FSTL4: variants seen among roughly 807,000 people sequenced by gnomAD.
The protein encoded by FSTL4 is follistatin-related protein 4.
A neutral mutation model predicts 78.2 loss-of-function variants in FSTL4; 28 were observed. The observed-to-expected ratio is 0.36, with a 90% CI of 0.27 to 0.49. FSTL4 has a LOEUF of 0.49. Among genes scored for constraint, FSTL4 ranks in the 20% least tolerant of loss-of-function variants. The pLI is 0.98. For missense variants in FSTL4, 922 were observed against 1,084.9 expected, an observed-to-expected ratio of 0.85 and a Z score of 2.11; for synonymous variants, 422 against 440.5, an observed-to-expected ratio of 0.96 and a Z score of 0.53.
At position 133,361,927 on chromosome 5, in the gene FSTL4, T is replaced by C. The variant is rs1755080182; in HGVS notation, c.409+38811A>G. 6.6e-6 allele frequency among the ~76,000 whole-genome samples: 1 copy of C among 152,252 alleles called. No individual in the cohort carries two copies. The highest frequency in any genetic ancestry group is 2.1e-4 in the South Asian group (1 of 4,828). On this transcript the variant is annotated intron_variant, in intron 4 of 15. Coordinates refer to ENST00000265342, the MANE Select transcript of FSTL4 (RefSeq NM_015082.2). The surrounding 1 kb of genome is among the most constrained non-coding windows in gnomAD (Gnocchi z 4.3). ...TTGGATATTCACGTAGTTGAAAACA[T>C]ATTTATAATTATTTGAGCCTAGAAC... is the stretch of plus-strand genomic sequence containing the variant.
chr5:133,625,024 T>C, the FSTL4 span, among the ~76,000 whole-genome samples: 2 of 151,800 alleles, frequency 1.3e-5, no homozygotes, highest in Non-Finnish European at 3.0e-5. Context: ...TATTCTCTGC[T>C]AATATTTCCA....
chr5:133,660,242 T>C, the FSTL4 span, among the ~76,000 whole-genome samples: 1 of 152,164 alleles, frequency 6.6e-6, no homozygotes, highest in East Asian at 1.9e-4. Flanking sequence ...GGAGACCCTC[T>C]CCTTTCCCTC....
At chr5:133,309,863 G>A (rs888695609) in intron 6 of FSTL4, among the ~76,000 whole-genome samples, 1 of 152,192 alleles carries the variant, frequency 6.6e-6, no homozygotes, top group Admixed American at 6.5e-5. Context: ...AAAATAAAAT[G>A]CTAATGCCTC....
At chr5:133,519,497 C>T (rs1449407957) in intron 3 of FSTL4, among the ~76,000 whole-genome samples, 7 of 152,202 alleles carry the variant, frequency 4.6e-5, no homozygotes, top group African/African-American at 1.2e-4. Flanking sequence ...CCAACGTGCA[C>T]GCTTCTTTCT....
intron 3 of FSTL4, among the ~76,000 whole-genome samples, chr5:133,547,411 G>A (rs1759603712): frequency 6.6e-6 from 1 of 152,160 alleles, no homozygotes; most frequent in South Asian, 2.1e-4. Context: ...TGGAATAATT[G>A]TATTTTGCAT....
the FSTL4 span, among the ~76,000 whole-genome samples, chr5:133,837,226 T>C: frequency 6.6e-6 from 1 of 152,030 alleles, no homozygotes; most frequent in Non-Finnish European, 1.5e-5. Context: ...AATCCCTCTA[T>C]TGAAGTCTCA....
intron 8 of FSTL4, among the ~76,000 whole-genome samples, chr5:133,230,151 G>A (rs1025589859): frequency 1.3e-5 from 2 of 152,210 alleles, no homozygotes; most frequent in African/African-American, 4.8e-5. Flanking sequence ...CAGCACCAGG[G>A]CTGGACACTG....
At chr5:133,289,380 T>C (rs1019861923) in intron 6 of FSTL4, among the ~76,000 whole-genome samples, 6 of 152,226 alleles carry the variant, frequency 3.9e-5, no homozygotes, top group African/African-American at 1.4e-4. Flanking sequence ...CCTAAGCCCA[T>C]CTTCTTCCAG....
At chr5:133,814,390 G>A in the FSTL4 span, among the ~76,000 whole-genome samples, 11 of 152,284 alleles carry the variant, frequency 7.2e-5, no homozygotes, top group East Asian at 1.9e-3. Flanking sequence ...GGAGTCCCTG[G>A]GTGTGGCTGG....
chr5:133,199,578 A>G lies in FSTL4; in HGVS notation c.2046T>C (p.Leu682=), dbSNP rs1750254996. 1.2e-6 allele frequency: 2 copies of G among 1,614,092 alleles called. No homozygotes were observed. Among genetic ancestry groups the G allele is most frequent in the Non-Finnish European group, 8.5e-7 (1 of 1,179,962 alleles). ...TGCCTGTTACATCACCATTGGGGCC[A>G]AGCACAGAGTCTGTGACACTGTCAA... The part of the protein sequence containing the change: ...LLVDSVTDSV[L]GPNGDVTGTP... Residue 682 remains leucine, a synonymous_variant, in exon 16 of 16, where the codon CTT becomes CTC. Transcript: ENST00000265342. This position sits in a 1 kb window ranked among gnomAD's most constrained non-coding sequence, Gnocchi z 4.4.
intron 13 of FSTL4, among the ~76,000 whole-genome samples, chr5:133,210,561 C>T (rs559282729): frequency 4.6e-5 from 7 of 152,004 alleles, no homozygotes; most frequent in Non-Finnish European, 8.8e-5. Context: ...GATGTGATCT[C>T]GGCTCACTGC....
chr5:133,750,202 G>A, the FSTL4 span, among the ~76,000 whole-genome samples: 1 of 152,162 alleles, frequency 6.6e-6, no homozygotes, highest in Non-Finnish European at 1.5e-5. Context: ...GACCCAGAGG[G>A]ACCCTAAGAC....
chr5:133,267,759 TG>T (rs1353954580), intron 6 of FSTL4, among the ~76,000 whole-genome samples: 6 of 151,378 alleles, frequency 4.0e-5, no homozygotes, highest in African/African-American at 1.5e-4. Flanking sequence ...AGGTTCCAAG[TG>T]GGGGAGGTGT....
chr5:133,629,431 C>A, the FSTL4 span, among the ~76,000 whole-genome samples: 3 of 152,282 alleles, frequency 2.0e-5, no homozygotes, highest in South Asian at 6.2e-4. Flanking sequence ...ATACACCCTT[C>A]CAAGACTAAA....
chr5:133,682,767 C>A, the FSTL4 span, among the ~76,000 whole-genome samples: 1 of 152,172 alleles, frequency 6.6e-6, no homozygotes. Context: ...ATGCGGGGTA[C>A]AAACTCCTAC....
chr5:133,800,079 G>A, the FSTL4 span, among the ~76,000 whole-genome samples: 1 of 139,204 alleles, frequency 7.2e-6, no homozygotes, highest in Non-Finnish European at 1.6e-5. Flanking sequence ...AGGAAAGTGT[G>A]GGGCATGTAG....
chr5:133,500,422 T>C (rs574977046), intron 3 of FSTL4, among the ~76,000 whole-genome samples: 40 of 152,274 alleles, frequency 2.6e-4, no homozygotes, highest in Non-Finnish European at 4.7e-4. Context: ...ATCGGTTCAA[T>C]TCCTTCCTCA....
the FSTL4 span, among the ~76,000 whole-genome samples, chr5:133,676,167 T>C: frequency 1.3e-5 from 2 of 152,228 alleles, no homozygotes; most frequent in Admixed American, 1.3e-4. Flanking sequence ...TTTCTGCACA[T>C]TATATTTGTT....
chr5:133,418,290 G>T, intron 3 of FSTL4, among the ~76,000 whole-genome samples: 1 of 137,668 alleles, frequency 7.3e-6, no homozygotes, highest in East Asian at 2.2e-4. Context: ...AGCTATTACA[G>T]ACATCAGAAA....
Sources: gnomAD v4.1 joint callset for allele counts (sites outside exome capture counted in the v4.1 genomes callset) on GRCh38, gnomAD v4.1.1 for gene constraint, Gnocchi (gnomAD v3.1) non-coding constraint, MANE v1.5 for transcripts, NCBI Gene and HGNC (gene_info 2026-07-23, HGNC 2026-07-21) for gene names.